TESK2: variants seen among roughly 807,000 people sequenced by gnomAD.
The protein encoded by TESK2 is dual specificity testis-specific protein kinase 2.
TESK2 carries 39 observed loss-of-function variants against 57.1 expected under a neutral mutation model. The ratio of observed to expected loss-of-function variants is 0.68; its 90% CI spans 0.53 to 0.89. The LOEUF is 0.89. Among genes scored for constraint, TESK2 ranks in the 40% least tolerant of loss-of-function variants. TESK2 has a pLI of 0.00. For synonymous variants in TESK2, 249 were observed against 267.9 expected (o/e 0.93, Z 0.69); for missense variants, 646 against 732.1 (o/e 0.88, Z 1.36).
intron 1 of TESK2, among the ~76,000 whole-genome samples, chr1:45,462,985 A>G (rs1375125682): frequency 6.6e-6 from 1 of 152,180 alleles, no homozygotes; most frequent in African/African-American, 2.4e-5. Context: ...CTGATGATCA[A>G]TATGTTTAGG....
intron 3 of TESK2, among the ~76,000 whole-genome samples, chr1:45,404,904 A>G (rs968438174): frequency 2.0e-5 from 3 of 152,090 alleles, no homozygotes; most frequent in Admixed American, 2.0e-4. Flanking sequence ...GCACACAATG[A>G]GCAAATGGCG....
chr1:45,387,076 G>A (rs1163274060), intron 3 of TESK2, among the ~76,000 whole-genome samples: 3 of 152,048 alleles, frequency 2.0e-5, no homozygotes, highest in African/African-American at 7.2e-5. Context: ...TGATTAAGAT[G>A]CCAGGCTGAT....
intron 9 of TESK2, 75 bp from the exon 10 acceptor site, chr1:45,346,069 G>A (rs1647140016): frequency 1.7e-6 from 2 of 1,170,570 alleles, no homozygotes; most frequent in African/African-American, 1.5e-5. Context: ...GTCTATTTCT[G>A]GCATCTTTGA....
chr1:45,404,359 AG>A (rs1649747865), intron 3 of TESK2, among the ~76,000 whole-genome samples: 1 of 152,096 alleles, frequency 6.6e-6, no homozygotes, highest in Admixed American at 6.6e-5. Context: ...TGCCATGCAA[AG>A]GGGATTAAGT....
intron 2 of TESK2, among the ~76,000 whole-genome samples, chr1:45,447,764 G>A (rs958626022): frequency 1.4e-4 from 21 of 151,960 alleles, no homozygotes; most frequent in Non-Finnish European, 1.0e-4. Flanking sequence ...CAATACCACC[G>A]TCACGGGTAA....
intron 4 of TESK2, among the ~76,000 whole-genome samples, chr1:45,357,610 G>A (rs894233001): frequency 2.6e-5 from 4 of 151,156 alleles, no homozygotes; most frequent in African/African-American, 9.7e-5. Context: ...ACGGTAGGAG[G>A]CCAAGGTGGG....
At chr1:45,408,188 C>A (rs1292603988) in intron 3 of TESK2, among the ~76,000 whole-genome samples, 1 of 152,100 alleles carries the variant, frequency 6.6e-6, no homozygotes, top group Non-Finnish European at 1.5e-5. Context: ...TCATGAGAGG[C>A]AAATTTTTTG....
intron 3 of TESK2, among the ~76,000 whole-genome samples, chr1:45,420,307 A>C (rs959274313): frequency 6.6e-6 from 1 of 151,596 alleles, no homozygotes; most frequent in African/African-American, 2.4e-5. Context: ...TGCTGCAATC[A>C]TGGCTCACTG....
intron 2 of TESK2, among the ~76,000 whole-genome samples, chr1:45,423,718 C>T (rs1041698720): frequency 1.3e-5 from 2 of 152,158 alleles, no homozygotes; most frequent in African/African-American, 4.8e-5. Context: ...GGCCACACCA[C>T]TCACACTATT....
chr1:45,464,221 A>G (rs1652444274), intron 1 of TESK2, among the ~76,000 whole-genome samples: 1 of 152,026 alleles, frequency 6.6e-6, no homozygotes, highest in Non-Finnish European at 1.5e-5. Flanking sequence ...TCAATATTTT[A>G]TAGTTTATAG....
chr1:45,442,788 A>G (rs1275303048), intron 2 of TESK2, among the ~76,000 whole-genome samples: 1 of 151,766 alleles, frequency 6.6e-6, no homozygotes, highest in Non-Finnish European at 1.5e-5. Flanking sequence ...AATCGTTCCA[A>G]TTTTCTTTTT....
At chr1:45,391,105 AT>A (rs1380713590) in intron 3 of TESK2, among the ~76,000 whole-genome samples, 1 of 150,614 alleles carries the variant, frequency 6.6e-6, no homozygotes, top group Non-Finnish European at 1.5e-5. Context: ...TTTAGTAGAG[AT>A]GGGGTTTCAC....
rs1044894727 is a variant in TESK2, at chr1:45,457,622, C to T, written c.164G>A (p.Arg55His). Residue 55 changes from arginine (R) to histidine (H), a missense_variant, in exon 2 of 11, where the codon CGT becomes CAT. Arg to His is a conservative substitution (Grantham distance 29, BLOSUM62 0). Transcript: ENST00000372086. ...TTTTTCACAGGTGAAATCATCCAAA[C>T]GCGTCAGTCTGGAAAAGGCACTTAT... is the stretch of plus-strand genomic sequence containing the variant. The part of the protein sequence containing the change: ...ALISAFSRLT[R>H]LDDFTCEKIG... The T allele has an allele frequency of 3.1e-6, 5 of 1,614,064 alleles. No homozygotes were observed. Among genetic ancestry groups the T allele is most frequent in the South Asian group, 1.1e-5 (1 of 91,072 alleles).
chr1:45,425,285 C>T (rs1650642013), intron 2 of TESK2, among the ~76,000 whole-genome samples: 1 of 151,894 alleles, frequency 6.6e-6, no homozygotes, highest in Non-Finnish European at 1.5e-5. Context: ...AAAAAGAAAC[C>T]AAAAAGTAAT....
At chr1:45,391,499 A>C in intron 3 of TESK2, among the ~76,000 whole-genome samples, 1 of 152,096 alleles carries the variant, frequency 6.6e-6, no homozygotes, top group East Asian at 1.9e-4. Context: ...AACTTTTCTC[A>C]CTATGGAAGA....
chr1:45,363,851 T>C (rs1344172171), intron 4 of TESK2, among the ~76,000 whole-genome samples: 1 of 152,128 alleles, frequency 6.6e-6, no homozygotes, highest in East Asian at 1.9e-4. Context: ...ATAATAGTTG[T>C]AGAGCCCTGA....
At chr1:45,353,287 C>G (rs900388729) in intron 5 of TESK2, among the ~76,000 whole-genome samples, 1 of 152,226 alleles carries the variant, frequency 6.6e-6, no homozygotes, top group East Asian at 1.9e-4. Context: ...CAGGTCCCAA[C>G]TGCCTAACTG....
At chr1:45,381,425 T>C (rs1005507142) in intron 4 of TESK2, among the ~76,000 whole-genome samples, 1 of 152,172 alleles carries the variant, frequency 6.6e-6, no homozygotes. Context: ...AATCTGAACA[T>C]AAGGAGAGTC....
intron 3 of TESK2, among the ~76,000 whole-genome samples, chr1:45,410,141 G>A (rs1434145583): frequency 6.6e-6 from 1 of 152,070 alleles, no homozygotes; most frequent in African/African-American, 2.4e-5. Flanking sequence ...GGGTGACAGA[G>A]TGAGACTCTG....
Sources: allele counts gnomAD v4.1 joint callset (sites outside exome capture counted in the v4.1 genomes callset), GRCh38; gene constraint gnomAD v4.1.1; transcripts MANE v1.5; gene names NCBI Gene and HGNC (gene_info 2026-07-23, HGNC 2026-07-21).